The following FBXL16 variants were observed in gnomAD, a reference collection of about 807,000 sequenced individuals.
The protein encoded by FBXL16 is F-box and leucine rich repeat protein 16, also known as F-box/LRR-repeat protein 16.
A neutral mutation model predicts 36.7 loss-of-function variants in FBXL16; 7 were observed. The observed-to-expected ratio is 0.19, with a 90% CI of 0.11 to 0.36. The LOEUF (loss-of-function observed/expected upper bound fraction) is 0.36. FBXL16 is among the 10% of genes least tolerant of loss of function. The pLI is 1.00. For synonymous variants in FBXL16, 355 were observed against 308.7 expected, an observed-to-expected ratio of 1.15 and a Z score of -1.57; for missense variants, 463 against 659.4, an observed-to-expected ratio of 0.70 and a Z score of 3.26.
intron 1 of FBXL16, among the ~76,000 whole-genome samples, chr16:700,149 C>T (rs1222303306): frequency 6.6e-6 from 1 of 152,222 alleles, no homozygotes; most frequent in Non-Finnish European, 1.5e-5. Flanking sequence ...GCCACCGGTC[C>T]ACATCTGGGG....
At chr16:698,822 G>A (rs1306029776) in intron 1 of FBXL16, among the ~76,000 whole-genome samples, 1 of 148,798 alleles carries the variant, frequency 6.7e-6, no homozygotes, top group Non-Finnish European at 1.5e-5. Flanking sequence ...GCTGAGGCAG[G>A]AGAATCACTT....
In FBXL16 at chr16:694,443, C is replaced by T. The variant is rs935597998; in HGVS notation, c.1292-20G>A. 7.8e-6 allele frequency: 12 copies of T among 1,532,348 alleles called. No homozygotes were observed. Among genetic ancestry groups the T allele is most frequent in the Non-Finnish European group, 7.0e-6 (8 of 1,146,864 alleles). 94.9% of individuals were successfully genotyped at this position (1,532,348 alleles called of 1,614,324 possible). ...GGCAGCCTGCGGCGGGGTCAGAGGG[C>T]GGCTCAGTGCGCGCGGCCCAGGGCT... On this transcript the variant is annotated intron_variant, in intron 5 of 5. Transcript: ENST00000397621.
intron 2 of FBXL16, 91 bp from the exon 3 acceptor site, chr16:696,014 G>A (rs2040008662): frequency 6.9e-7 from 1 of 1,457,810 alleles, no homozygotes; most frequent in African/African-American, 1.4e-5. Context: ...GCAGGGAGCT[G>A]AACCCTGAAA....
chr16:701,968 G>C (rs1057005647), intron 1 of FBXL16, among the ~76,000 whole-genome samples: 2 of 152,168 alleles, frequency 1.3e-5, no homozygotes, highest in Non-Finnish European at 2.9e-5. Flanking sequence ...GGAGCTGCTG[G>C]GGAGAGGTGG....
chr16:703,264 C>T (rs544611013), intron 1 of FBXL16, among the ~76,000 whole-genome samples: 4 of 152,320 alleles, frequency 2.6e-5, no homozygotes, highest in South Asian at 4.1e-4. Context: ...CTGCACACCG[C>T]GTGCCCACCC....
Position 693,471 on chromosome 16 carries a change from C to A in FBXL16, c.*804G>T, listed in dbSNP as rs1354545477. The A allele has an allele frequency of 6.6e-6, 1 of 152,514 alleles. No individual in the cohort carries two copies. The highest frequency in any genetic ancestry group is 2.4e-5 in the African/African-American group (1 of 41,454). The allele number at this position is 152,514 out of a possible 1,614,324, so 9.4% of individuals were successfully genotyped here. A position where few individuals can be genotyped will look rare whatever the true frequency, so the allele number is the denominator to read the frequency against. On this transcript the variant is annotated 3_prime_UTR_variant, in exon 6 of 6. Coordinates refer to ENST00000397621, the MANE Select transcript of FBXL16 (RefSeq NM_153350.4). Reference sequence around the variant, plus strand: ...TGCCTGCGCCACCCCTGGGTTGAGGCCGACCGGAGTCAGCTGGGATCACGT... The same window carrying A: ...TGCCTGCGCCACCCCTGGGTTGAGGACGACCGGAGTCAGCTGGGATCACGT...
chr16:694,743 G>C lies in FBXL16; in HGVS notation c.1228-46C>G, dbSNP rs775909080. 9.0e-6 allele frequency: 14 copies of C among 1,551,098 alleles called. No individual in the cohort carries two copies. The South Asian group carries it at 1.6e-4, about 18-fold the overall frequency. On this transcript the variant is annotated intron_variant, in intron 4 of 5. Transcript: ENST00000397621. ...ACTTAACGATTTCCGCTCGCACCGA[G>C]GCGGAGGGCACCCTGGGGTCCATGG... is the stretch of plus-strand genomic sequence containing the variant.
At chr16:701,176 A>G (rs1248003529) in intron 1 of FBXL16, among the ~76,000 whole-genome samples, 3 of 152,094 alleles carry the variant, frequency 2.0e-5, no homozygotes, top group African/African-American at 7.2e-5. Context: ...GGAGAAACCA[A>G]GCCGCACTTT....
rs1462355463 is a variant in FBXL16, at chr16:697,418, C to T, written c.-13G>A. 6 of 1,528,024 alleles carry T rather than the reference C, an allele frequency of 3.9e-6. No homozygotes were observed. The highest frequency in any genetic ancestry group is 4.4e-6 in the Non-Finnish European group (5 of 1,142,890). The allele number at this position is 1,528,024 out of a possible 1,614,324, so 94.7% of individuals were successfully genotyped here. A position where few individuals can be genotyped will look rare whatever the true frequency, so the allele number is the denominator to read the frequency against. ...CCGGGCTCGACATCTTCCTGGCACG[C>T]TCTGTGGATGAGGGCCGGGAGGGGG... is the stretch of plus-strand genomic sequence containing the variant. On this transcript the variant is annotated splice_region_variant and 5_prime_UTR_variant, in exon 2 of 6. Coordinates refer to ENST00000397621, the MANE Select transcript of FBXL16 (RefSeq NM_153350.4). The surrounding 1 kb of genome is among the most constrained non-coding windows in gnomAD (Gnocchi z 4.6).
In FBXL16 at chr16:697,612, C is replaced by A. The variant is rs1164694864; in HGVS notation, c.-14-193G>T. On this transcript the variant is annotated intron_variant, in intron 1 of 5. Coordinates refer to ENST00000397621, the MANE Select transcript of FBXL16 (RefSeq NM_153350.4). The surrounding 1 kb of genome is among the most constrained non-coding windows in gnomAD (Gnocchi z 4.6). ...GCAGCAACAGGAAGCCAACCATGGC[C>A]ACTGGCAGCACTCACTGGGCACCTA... is the stretch of plus-strand genomic sequence containing the variant. Among the ~76,000 whole-genome samples, 1 of 152,124 alleles carries A rather than the reference C, an allele frequency of 6.6e-6. No homozygotes were observed.
intron 1 of FBXL16, among the ~76,000 whole-genome samples, chr16:700,869 G>C (rs1190532066): frequency 6.6e-6 from 1 of 152,166 alleles, no homozygotes; most frequent in Non-Finnish European, 1.5e-5. Context: ...TGCGGGGTCG[G>C]GGCAGCCCCG....
At chr16:704,958 G>C (rs117412289) in intron 1 of FBXL16, among the ~76,000 whole-genome samples, 15 of 152,200 alleles carry the variant, frequency 9.9e-5, no homozygotes, top group African/African-American at 3.4e-4. Flanking sequence ...TTTCCCTTCT[G>C]AGGCCCTCCA....
chr16:705,067 G>T (rs969714737), intron 1 of FBXL16, among the ~76,000 whole-genome samples: 2 of 152,176 alleles, frequency 1.3e-5, no homozygotes, highest in African/African-American at 4.8e-5. Flanking sequence ...CAGGCCCCGG[G>T]TCCAGAAGCC....
At position 695,429 on chromosome 16, in the gene FBXL16, C is replaced by T. The variant is rs775337975; in HGVS notation, c.1128G>A (p.Glu376=). 9.1e-6 allele frequency: 14 copies of T among 1,537,654 alleles called. No homozygotes were observed. The East Asian group carries it at 2.2e-4, about 24-fold the overall frequency. The change falls in exon 3 of 6, where the codon GAG becomes GAA. Residue 376 remains glutamate (E), a synonymous_variant. Transcript: ENST00000397621. ...YVACDLHRLE[E]LVLDRCVRIT... is the part of the protein sequence containing the mutation. Reference sequence around the variant, plus strand: ...GGGGCGCGCACCTGTCGAGCACGAGCTCCTCTAGGCGGTGCAGGTCGCAGG... The same window carrying T: ...GGGGCGCGCACCTGTCGAGCACGAGTTCCTCTAGGCGGTGCAGGTCGCAGG...
chr16:694,746 G>T, intron 4 of FBXL16, 49 bp from the exon 5 acceptor site: 1 of 1,552,132 alleles, frequency 6.4e-7, no homozygotes, highest in Non-Finnish European at 8.8e-7. Flanking sequence ...GCACCGAGGC[G>T]GAGGGCACCC....
chr16:696,038 T>C, intron 2 of FBXL16, 115 bp from the exon 3 acceptor site: 1 of 1,400,246 alleles, frequency 7.1e-7, no homozygotes. Flanking sequence ...TTTGGCAGTG[T>C]GTGAGGAGGC....
chr16:698,911 C>T (rs1462640345), intron 1 of FBXL16, among the ~76,000 whole-genome samples: 1 of 63,622 alleles, frequency 1.6e-5, no homozygotes, highest in Non-Finnish European at 2.3e-5. Flanking sequence ...GAGACTTTGT[C>T]TCAAAAAAAA....
rs533651553 is a variant in FBXL16, at chr16:697,898, G to A, written c.-14-479C>T. ...GCCTGTAGTACCAGCTACTTGGGAG[G>A]CTGCAGCAGGAGAATGACGTGAACC... On this transcript the variant is annotated intron_variant, in intron 1 of 5. Transcript: ENST00000397621. The surrounding 1 kb of genome is among the most constrained non-coding windows in gnomAD (Gnocchi z 4.6). Among the ~76,000 whole-genome samples the A allele has an allele frequency of 6.6e-6, 1 of 151,992 alleles. No homozygotes were observed. The highest frequency in any genetic ancestry group is 2.4e-5 in the African/African-American group (1 of 41,458).
chr16:705,028 C>T (rs2040081660), intron 1 of FBXL16, among the ~76,000 whole-genome samples: 1 of 152,242 alleles, frequency 6.6e-6, no homozygotes, highest in Admixed American at 6.5e-5. Flanking sequence ...TCCCCCCACC[C>T]TCCTCCTCCC....
Sources: gnomAD v4.1 joint callset for allele counts (sites outside exome capture counted in the v4.1 genomes callset) on GRCh38, gnomAD v4.1.1 for gene constraint, Gnocchi (gnomAD v3.1) non-coding constraint, MANE v1.5 for transcripts, NCBI Gene and HGNC (gene_info 2026-07-23, HGNC 2026-07-21) for gene names.